The following TUB variants were observed in gnomAD, a reference collection of about 807,000 sequenced individuals.
The protein encoded by TUB is TUB bipartite transcription factor.
A neutral mutation model predicts 59.7 loss-of-function variants in TUB; 33 were observed. That is an observed-to-expected ratio of 0.55 (90% CI 0.42 to 0.74). The LOEUF is 0.74. TUB is among the 30% of genes least tolerant of loss of function. The pLI is 0.00. For missense variants in TUB, 659 were observed against 672.0 expected (o/e 0.98, Z 0.21); for synonymous variants, 293 against 256.4 (o/e 1.14, Z -1.36).
At chr11:8,072,451 C>G (rs879746471) in intron 2 of TUB, among the ~76,000 whole-genome samples, 15 of 152,214 alleles carry the variant, frequency 9.9e-5, no homozygotes, top group Non-Finnish European at 1.8e-4. Flanking sequence ...GCTGCTGTGA[C>G]CACCCACAGT....
intron 1 of TUB, among the ~76,000 whole-genome samples, chr11:8,086,841 A>T (rs1943678178): frequency 6.6e-6 from 1 of 151,994 alleles, no homozygotes; most frequent in Non-Finnish European, 1.5e-5. Context: ...GGGATGTCTG[A>T]GGTTTCTGGA....
chr11:8,055,856 C>T (rs1402263265), intron 2 of TUB, among the ~76,000 whole-genome samples: 3 of 152,218 alleles, frequency 2.0e-5, no homozygotes, highest in Non-Finnish European at 4.4e-5. Flanking sequence ...TCCCTGCTCA[C>T]CTTCCCACTA....
In TUB at chr11:8,060,943, G is replaced by A. The variant is rs369721580; in HGVS notation, c.203+21251G>A. Among the ~76,000 whole-genome samples, 13 of 152,318 alleles carry A rather than the reference G, an allele frequency of 8.5e-5. No homozygotes were observed. The East Asian group carries it at 1.7e-3, about 20-fold the overall frequency. ...TCATGGTTATGTCCATGCTTATGTA[G>A]GCCTGGGCTCTGCCTAGCTGCGGGT... On this transcript the variant is annotated intron_variant, in intron 2 of 12. Coordinates refer to the TUB transcript ENST00000305253.
intron 1 of TUB, among the ~76,000 whole-genome samples, chr11:8,082,743 A>T (rs1778946510): frequency 6.6e-6 from 1 of 152,180 alleles, no homozygotes; most frequent in African/African-American, 2.4e-5. Flanking sequence ...ACCAGCTGAA[A>T]CCGCCCAAGG....
At chr11:8,062,725 C>T (rs1943156329) in intron 2 of TUB, among the ~76,000 whole-genome samples, 1 of 152,150 alleles carries the variant, frequency 6.6e-6, no homozygotes, top group Non-Finnish European at 1.5e-5. Context: ...GCTCTGCCCA[C>T]AGGGACTCTA....
At chr11:8,089,543 T>G in intron 1 of TUB, 67 bp from the exon 2 acceptor site, 3 of 1,585,700 alleles carry the variant, frequency 1.9e-6, no homozygotes, top group South Asian at 1.1e-5. Flanking sequence ...ATGCTGGGGG[T>G]GGGCTCTGGG....
intron 2 of TUB, among the ~76,000 whole-genome samples, chr11:8,061,341 C>T (rs1035040830): frequency 1.3e-5 from 2 of 152,190 alleles, no homozygotes; most frequent in Non-Finnish European, 2.9e-5. Flanking sequence ...AAGCCTGGGC[C>T]TAGACCAGTG....
intron 1 of TUB, among the ~76,000 whole-genome samples, chr11:8,086,361 AG>A (rs1417650872): frequency 2.0e-5 from 3 of 152,062 alleles, no homozygotes; most frequent in Non-Finnish European, 2.9e-5. Flanking sequence ...GGAGATGAGG[AG>A]GAAGGGCCAT....
At chr11:8,052,949 A>G (rs1431406882) in intron 2 of TUB, among the ~76,000 whole-genome samples, 1 of 152,186 alleles carries the variant, frequency 6.6e-6, no homozygotes, top group Non-Finnish European at 1.5e-5. Context: ...GCAAATAATG[A>G]TCAGTTTATC....
chr11:8,088,988 TGAG>T, intron 1 of TUB, among the ~76,000 whole-genome samples: 1 of 152,360 alleles, frequency 6.6e-6, no homozygotes, highest in Non-Finnish European at 1.5e-5. Context: ...CCCTGTAGGC[TGAG>T]GGACTGGTTG....
chr11:8,057,009 G>T (rs979745316), intron 2 of TUB, among the ~76,000 whole-genome samples: 1 of 152,234 alleles, frequency 6.6e-6, no homozygotes, highest in South Asian at 2.1e-4. Context: ...GTGGAAACAA[G>T]CTGGCTGGAT....
intron 2 of TUB, among the ~76,000 whole-genome samples, chr11:8,040,744 A>C (rs1764365035): frequency 6.6e-6 from 1 of 152,216 alleles, no homozygotes; most frequent in Admixed American, 6.5e-5. Context: ...AGTGAACCCC[A>C]GAGGGATGAC....
intron 5 of TUB, among the ~76,000 whole-genome samples, 184 bp from the exon 6 acceptor site, chr11:8,096,501 G>A (rs1943997597): frequency 6.6e-6 from 1 of 152,192 alleles, no homozygotes; most frequent in Non-Finnish European, 1.5e-5. Flanking sequence ...TTTTATATCT[G>A]GACATGTGTG....
chr11:8,100,237 C>G (rs759422709), intron 9 of TUB, among the ~76,000 whole-genome samples: 1 of 152,068 alleles, frequency 6.6e-6, no homozygotes, highest in Non-Finnish European at 1.5e-5. Context: ...AGAGAGGACT[C>G]GAGTGTGACC....
chr11:8,049,457 G>T (rs1332815093), intron 2 of TUB, among the ~76,000 whole-genome samples: 1 of 151,960 alleles, frequency 6.6e-6, no homozygotes, highest in Non-Finnish European at 1.5e-5. Context: ...ACCACTGGCC[G>T]AGGCCCAGCA....
At position 8,100,601 on chromosome 11, in the gene TUB, CGTGA is replaced by C; in HGVS notation, c.1215+4_1215+7del. ...AGAGAGTCTCTATCCGCCCCCGCAA[CGTGA>C]GTGTCTACCCCTTCCTCCCCTCTTT... On this transcript the variant is annotated splice_donor_variant and splice_donor_region_variant and intron_variant, in intron 10 of 11. Transcript: ENST00000299506. LOFTEE classifies it high-confidence loss of function. 6.2e-7 allele frequency: 1 copy of C among 1,613,498 alleles called. No individual in the cohort carries two copies. Among genetic ancestry groups the C allele is most frequent in the Non-Finnish European group, 8.5e-7 (1 of 1,179,512 alleles).
At position 8,072,914 on chromosome 11, in the gene TUB, T is replaced by G. The variant is rs545783106; in HGVS notation, c.204-16696T>G. ...TTCAGAGTTGAGTAAACTATAATCA[T>G]CTTCTTTTGTCTCCTAACAGCCCTG... On this transcript the variant is annotated intron_variant, in intron 2 of 12. Coordinates refer to the TUB transcript ENST00000305253. 2.6e-4 allele frequency among the ~76,000 whole-genome samples: 40 copies of G among 152,344 alleles called. 1 individual carries two copies. In the South Asian group the frequency reaches 8.3e-3, roughly 32 times the overall value.
chr11:8,067,067 T>C (rs1359087492), intron 2 of TUB, among the ~76,000 whole-genome samples: 1 of 152,214 alleles, frequency 6.6e-6, no homozygotes, highest in East Asian at 1.9e-4. Context: ...GCTCCTGATC[T>C]GCTCCCATTC....
rs1455410424 is a variant in TUB, at chr11:8,081,456, GC to G, written c.-51del. On this transcript the variant is annotated 5_prime_UTR_variant, in exon 1 of 12. Coordinates refer to ENST00000299506, the MANE Select transcript of TUB (RefSeq NM_177972.3). Reference sequence around the variant, plus strand: ...GGAGCTGAGCAGGGCCCCCGCGCCGGCCCCTCCGGGCCCCGGCCTCCAGAGC... The same window carrying G: ...GGAGCTGAGCAGGGCCCCCGCGCCGGCCCTCCGGGCCCCGGCCTCCAGAGC... 4 of 1,396,404 alleles carry G rather than the reference GC, an allele frequency of 2.9e-6. No homozygotes were observed. In the East Asian group the frequency reaches 1.3e-4, roughly 44 times the overall value. 86.5% of individuals were successfully genotyped at this position (1,396,404 alleles called of 1,614,324 possible).
Sources: gnomAD v4.1 joint callset for allele counts (sites outside exome capture counted in the v4.1 genomes callset) on GRCh38, gnomAD v4.1.1 for gene constraint, MANE v1.5 for transcripts, NCBI Gene and HGNC (gene_info 2026-07-23, HGNC 2026-07-21) for gene names.